Variants in PLA2G4E observed in about 807,000 individuals in gnomAD.
PLA2G4E encodes cytosolic phospholipase A2 epsilon.
A neutral mutation model predicts 109.1 loss-of-function variants in PLA2G4E; 84 were observed. That is an observed-to-expected ratio of 0.77 (90% CI 0.65 to 0.92). The LOEUF is 0.92. PLA2G4E is among the 40% of genes least tolerant of loss of function. PLA2G4E has a pLI of 0.00. For synonymous variants in PLA2G4E, 469 were observed against 436.1 expected, an observed-to-expected ratio of 1.08 and a Z score of -0.94; for missense variants, 1,057 against 1,076.6, an observed-to-expected ratio of 0.98 and a Z score of 0.25.
chr15:42,018,678 A>C (rs547453139), intron 1 of PLA2G4E, among the ~76,000 whole-genome samples: 64 of 152,072 alleles, frequency 4.2e-4, no homozygotes, highest in Non-Finnish European at 5.3e-4. Flanking sequence ...GCCAGGGGAG[A>C]GAGAGGGCCC....
In PLA2G4E at chr15:41,997,090, T is replaced by C. The variant is rs1389149132; in HGVS notation, c.1110+34A>G. 3 of 1,532,960 alleles carry C rather than the reference T, an allele frequency of 2.0e-6. No homozygotes were observed. The African/African-American group carries it at 4.1e-5, about 21-fold the overall frequency. The allele number at this position is 1,532,960 out of a possible 1,614,324, so 95.0% of individuals were successfully genotyped here. The stretch of plus-strand genomic sequence containing the variant: ...AGGGCATGGTGCTGGAAGGACCAGC[T>C]GGGCCCAGGCTGGCCACATCCCTGA... On this transcript the variant is annotated intron_variant, in intron 11 of 19. Transcript: ENST00000399518.
rs77510467 is a variant in PLA2G4E at position 42,036,583 on chromosome 15, C to T, written c.183+13938G>A. On this transcript the variant is annotated intron_variant, in intron 1 of 19. Transcript: ENST00000399518. ...GCATCTGGGTGACCGCCTAGCCTGA[C>T]ACTCCCAAAGGCTGGGCCAGGGCCT... 8.6e-3 allele frequency among the ~76,000 whole-genome samples: 1,302 copies of T among 152,198 alleles called. 21 individuals carry two copies. The highest frequency in any genetic ancestry group is 0.03 in the African/African-American group (1,249 of 41,526).
intron 12 of PLA2G4E, 127 bp from the exon 13 acceptor site, chr15:41,993,086 G>A: frequency 1.3e-6 from 1 of 772,688 alleles, no homozygotes. Flanking sequence ...AACCTGGAGA[G>A]TAGGGGTGAG....
At chr15:42,007,855 T>C (rs763054898) in exon 3 of PLA2G4E, 1 of 1,603,772 alleles carries the variant, frequency 6.2e-7, no homozygotes, top group Admixed American at 1.7e-5. Flanking sequence ...CAAAACAGTC[T>C]GTCTGGCTCA....
At position 41,999,560 on chromosome 15, in the gene PLA2G4E, C is replaced by T; in HGVS notation, c.938G>A (p.Gly313Asp). Residue 313 changes from glycine (G) to aspartate (D), a missense_variant and splice_region_variant, in exon 10 of 20, where the codon GGT becomes GAT. Transcript: ENST00000399518. Reference sequence around the variant, plus strand: ...CTTCATGTGTAATTCATAACTCTCACCCTGGGGAGGGAAAGATGAAAAGCT... The same window carrying T: ...CTTCATGTGTAATTCATAACTCTCATCCTGGGGAGGGAAAGATGAAAAGCT... 1 of 1,612,274 alleles carries T rather than the reference C, an allele frequency of 6.2e-7. No homozygotes were observed. The highest frequency in any genetic ancestry group is 8.5e-7 in the Non-Finnish European group (1 of 1,179,106).
At chr15:42,014,462 A>G (rs994163274) in intron 1 of PLA2G4E, among the ~76,000 whole-genome samples, 1 of 151,588 alleles carries the variant, frequency 6.6e-6, no homozygotes, top group African/African-American at 2.4e-5. Context: ...GCTTATTGGC[A>G]CTCTCCTCCT....
At chr15:42,041,000 T>C (rs1889305656) in intron 1 of PLA2G4E, among the ~76,000 whole-genome samples, 1 of 152,230 alleles carries the variant, frequency 6.6e-6, no homozygotes, top group African/African-American at 2.4e-5. Flanking sequence ...GTTTCATTTA[T>C]CAGATTGGCA....
Position 41,984,416 on chromosome 15 carries a change from T to C in PLA2G4E, c.2386+20A>G, listed in dbSNP as rs373068383. On this transcript the variant is annotated intron_variant, in intron 19 of 19. Transcript: ENST00000399518. The stretch of plus-strand genomic sequence containing the variant: ...GCCAAGGGCAGCAGGTGCTGGGAAC[T>C]GAGCACAGAGGCAGCTCACCTGGTG... The C allele has an allele frequency of 1.1e-5, 18 of 1,600,948 alleles. No homozygotes were observed. Among genetic ancestry groups the C allele is most frequent in the Non-Finnish European group, 1.5e-5 (17 of 1,171,532 alleles).
intron 1 of PLA2G4E, among the ~76,000 whole-genome samples, chr15:42,026,488 A>AT: frequency 6.6e-6 from 1 of 152,320 alleles, no homozygotes; most frequent in Non-Finnish European, 1.5e-5. Context: ...TGAAAATGAG[A>AT]TTTTACTACA....
chr15:41,999,477 A>G (rs1566839719), intron 10 of PLA2G4E, 47 bp downstream of exon 10: 1 of 1,396,052 alleles, frequency 7.2e-7, no homozygotes, highest in Non-Finnish European at 1.0e-6. Context: ...CTGCACACCC[A>G]CTGCTATGAA....
In PLA2G4E at chr15:42,016,402, AT is replaced by A; in HGVS notation, c.184-2646del. 2.6e-5 allele frequency among the ~76,000 whole-genome samples: 4 copies of A among 151,750 alleles called. No homozygotes were observed. The South Asian group carries it at 8.3e-4, about 32-fold the overall frequency. On this transcript the variant is annotated intron_variant, in intron 1 of 19. Transcript: ENST00000399518. ...ATAGGCTGGAATGCAGTGGCGGGAT[AT>A]CTTGGCTCACTGCAACCTCTGCCTC...
At chr15:41,983,647 C>A in exon 20 of PLA2G4E, 1 of 1,010,590 alleles carries the variant, frequency 9.9e-7, no homozygotes, top group Non-Finnish European at 1.4e-6. Flanking sequence ...CTGCTCACAC[C>A]CATTGCCGGA....
At chr15:42,001,944 T>C (rs552294585) in intron 6 of PLA2G4E, among the ~76,000 whole-genome samples, 1 of 152,184 alleles carries the variant, frequency 6.6e-6, no homozygotes, top group Non-Finnish European at 1.5e-5. Context: ...CCCCCAACCT[T>C]GGCCTCCCAA....
intron 2 of PLA2G4E, among the ~76,000 whole-genome samples, chr15:42,011,294 T>G (rs1248747952): frequency 6.6e-6 from 1 of 152,246 alleles, no homozygotes; most frequent in Non-Finnish European, 1.5e-5. Context: ...CCCCGTCACC[T>G]GCTGAGTGAC....
chr15:42,010,876 C>T (rs563522263), intron 2 of PLA2G4E, among the ~76,000 whole-genome samples: 13 of 152,320 alleles, frequency 8.5e-5, no homozygotes, highest in Admixed American at 5.9e-4. Flanking sequence ...TGCCATTTGG[C>T]CTCTTGGAAA....
intron 18 of PLA2G4E, 57 bp from the exon 19 acceptor site, chr15:41,984,676 GCA>G: frequency 7.0e-7 from 1 of 1,435,348 alleles, no homozygotes; most frequent in Non-Finnish European, 9.3e-7. Context: ...TGGAGGAGAA[GCA>G]CAGAGTTCTT....
chr15:42,044,253 A>T (rs1248104910), intron 1 of PLA2G4E, among the ~76,000 whole-genome samples: 1 of 152,078 alleles, frequency 6.6e-6, no homozygotes, highest in African/African-American at 2.4e-5. Context: ...ATTTGGGGAG[A>T]CGTCAGGGAT....
intron 1 of PLA2G4E, among the ~76,000 whole-genome samples, chr15:42,017,473 T>A (rs1460742275): frequency 6.6e-6 from 1 of 152,222 alleles, no homozygotes; most frequent in Non-Finnish European, 1.5e-5. Context: ...TCTTGCTTAA[T>A]CCTTACAACC....
intron 10 of PLA2G4E, chr15:41,999,201 G>A: frequency 4.4e-6 from 1 of 227,148 alleles, no homozygotes. Flanking sequence ...TGCTTCAAAG[G>A]ACACCAACAA....
Sources: allele counts gnomAD v4.1 joint callset (sites outside exome capture counted in the v4.1 genomes callset), GRCh38; gene constraint gnomAD v4.1.1; transcripts MANE v1.5; gene names NCBI Gene and HGNC (gene_info 2026-07-23, HGNC 2026-07-21).